RAB27A: variants seen among roughly 807,000 people sequenced by gnomAD.
The protein encoded by RAB27A is ras-related protein Rab-27A.
RAB27A carries 17 observed loss-of-function variants against 20.8 expected under a neutral mutation model. That is an observed-to-expected ratio of 0.82 (90% CI 0.56 to 1.23). The LOEUF is 1.23. RAB27A is among the 50% of genes most tolerant of loss of function. The pLI, the probability that RAB27A is intolerant of heterozygous loss-of-function variation, is 0.00. For missense variants in RAB27A, 277 were observed against 266.7 expected (o/e 1.04, Z -0.27); for synonymous variants, 85 against 92.8 (o/e 0.92, Z 0.48).
intron 2 of RAB27A, chr15:55,238,111 T>C (rs1366688858): frequency 6.6e-6 from 1 of 152,186 alleles, no homozygotes; most frequent in Non-Finnish European, 1.5e-5. Flanking sequence ...TCAATATTAA[T>C]CATAGTTTGC....
At chr15:55,251,164 A>G (rs1896874878) in intron 2 of RAB27A, among the ~76,000 whole-genome samples, 1 of 152,222 alleles carries the variant, frequency 6.6e-6, no homozygotes, top group Non-Finnish European at 1.5e-5. Flanking sequence ...TCTTTTATTC[A>G]GCGTCTCCTA....
At chr15:55,232,626 C>T (rs1230650549) in intron 3 of RAB27A, among the ~76,000 whole-genome samples, 1 of 152,094 alleles carries the variant, frequency 6.6e-6, no homozygotes, top group African/African-American at 2.4e-5. Flanking sequence ...TAAGACAAAA[C>T]TGAGAAAAGT....
intron 2 of RAB27A, among the ~76,000 whole-genome samples, chr15:55,311,906 C>T (rs2141146784): frequency 6.6e-6 from 1 of 152,272 alleles, no homozygotes; most frequent in East Asian, 1.9e-4. Flanking sequence ...TCCCAGAGCT[C>T]CCGATAGTGG....
intron 2 of RAB27A, among the ~76,000 whole-genome samples, chr15:55,240,482 A>T (rs1255448728): frequency 6.6e-6 from 1 of 152,080 alleles, no homozygotes; most frequent in Non-Finnish European, 1.5e-5. Flanking sequence ...TAGCATATAC[A>T]CTGTCTCCCT....
At chr15:55,263,239 T>A (rs148514404) in intron 2 of RAB27A, among the ~76,000 whole-genome samples, 7 of 152,264 alleles carry the variant, frequency 4.6e-5, no homozygotes, top group East Asian at 1.9e-4. Context: ...AGGGAGGTAG[T>A]TCTCAGGGTA....
intron 3 of RAB27A, among the ~76,000 whole-genome samples, chr15:55,230,727 G>C (rs897298111): frequency 6.6e-6 from 1 of 152,000 alleles, no homozygotes; most frequent in Non-Finnish European, 1.5e-5. Context: ...AAAACAACTT[G>C]TATAAAATAT....
chr15:55,205,461 T>A lies in RAB27A; in HGVS notation c.*46A>T, dbSNP rs1163835028. ...TGCCATGTATCAATCATAGAGAAGATCCCAGGCATGGGCCACCTGAACTAC... is the reference window on the plus strand; with the variant it reads ...TGCCATGTATCAATCATAGAGAAGAACCCAGGCATGGGCCACCTGAACTAC... On this transcript the variant is annotated 3_prime_UTR_variant, in exon 7 of 7. Transcript: ENST00000336787. 2.5e-6 allele frequency: 4 copies of A among 1,570,296 alleles called. No individual in the cohort carries two copies. The highest frequency in any genetic ancestry group is 1.1e-5 in the South Asian group (1 of 90,170).
chr15:55,245,141 C>G (rs998632923), intron 2 of RAB27A, among the ~76,000 whole-genome samples: 5 of 152,166 alleles, frequency 3.3e-5, no homozygotes, highest in African/African-American at 1.2e-4. Flanking sequence ...CAGACCATTA[C>G]AATTCCTACA....
At chr15:55,288,667 AAACATAAAAC>A (rs759440077) in intron 1 of RAB27A, among the ~76,000 whole-genome samples, 1 of 152,180 alleles carries the variant, frequency 6.6e-6, no homozygotes, top group South Asian at 2.1e-4. Flanking sequence ...GTAGGAATGA[AAACATAAAAC>A]AACATAAACC....
At chr15:55,241,653 T>A (rs1283572458) in intron 2 of RAB27A, among the ~76,000 whole-genome samples, 14 of 140,890 alleles carry the variant, frequency 9.9e-5, no homozygotes, top group Admixed American at 1.4e-4. Flanking sequence ...TTTTTTTTTT[T>A]ATAAATTAGG....
In RAB27A at chr15:55,237,060, T is replaced by C. The variant is rs372517327; in HGVS notation, c.-22-2104A>G. ...AAACAACTAGCTATCTCATTAACAC[T>C]GACGACTCTACATGACTATTCAAAC... On this transcript the variant is annotated intron_variant, in intron 2 of 6. Coordinates refer to ENST00000336787, the MANE Select transcript of RAB27A (RefSeq NM_183235.3). Among the ~76,000 whole-genome samples, 10 of 152,304 alleles carry C rather than the reference T, an allele frequency of 6.6e-5. No homozygotes were observed. The East Asian group carries it at 7.7e-4, about 12-fold the overall frequency.
intron 2 of RAB27A, among the ~76,000 whole-genome samples, chr15:55,308,275 T>C (rs1203083290): frequency 6.6e-6 from 1 of 152,208 alleles, no homozygotes; most frequent in Non-Finnish European, 1.5e-5. Flanking sequence ...CCTAATGGCT[T>C]CCTGATGTTT....
At chr15:55,315,787 C>T (rs1040840993) in intron 1 of RAB27A, among the ~76,000 whole-genome samples, 44 of 152,272 alleles carry the variant, frequency 2.9e-4, no homozygotes, top group African/African-American at 8.7e-4. Flanking sequence ...GAAATACGAA[C>T]GCTTTTACAC....
chr15:55,245,124 A>G (rs1389362946), intron 2 of RAB27A, among the ~76,000 whole-genome samples: 1 of 152,126 alleles, frequency 6.6e-6, no homozygotes, highest in Non-Finnish European at 1.5e-5. Flanking sequence ...CCTGGCCACA[A>G]CTCTCACAGA....
At chr15:55,304,832 C>CAT (rs36001856) in intron 2 of RAB27A, among the ~76,000 whole-genome samples, 9,609 of 148,196 alleles carry the variant, frequency 0.065, 353 homozygotes, top group Middle Eastern at 0.094. Flanking sequence ...TTAGTGTGAA[C>CAT]ATATATATAT....
intron 2 of RAB27A, among the ~76,000 whole-genome samples, chr15:55,306,043 C>T (rs1194121005): frequency 6.6e-6 from 1 of 152,082 alleles, no homozygotes; most frequent in East Asian, 1.9e-4. Flanking sequence ...TTCTGAAGAG[C>T]CATTCAAACA....
intron 2 of RAB27A, among the ~76,000 whole-genome samples, chr15:55,236,740 AT>A (rs1896273409): frequency 6.6e-6 from 1 of 152,216 alleles, no homozygotes; most frequent in East Asian, 1.9e-4. Flanking sequence ...ATATTTGTAT[AT>A]TTTTATGGGG....
intron 2 of RAB27A, among the ~76,000 whole-genome samples, chr15:55,305,964 A>T (rs2141144392): frequency 6.6e-6 from 1 of 152,308 alleles, no homozygotes; most frequent in South Asian, 2.1e-4. Context: ...TAGGTATGAC[A>T]TGATTGTATG....
At chr15:55,303,195 G>T (rs1456233956) in intron 2 of RAB27A, among the ~76,000 whole-genome samples, 1 of 93,450 alleles carries the variant, frequency 1.1e-5, no homozygotes, top group African/African-American at 5.6e-5. Context: ...CCTCTGCCCG[G>T]CCGCCCCTAC....
Sources: allele counts gnomAD v4.1 joint callset (sites outside exome capture counted in the v4.1 genomes callset), GRCh38; gene constraint gnomAD v4.1.1; transcripts MANE v1.5; gene names NCBI Gene and HGNC (gene_info 2026-07-23, HGNC 2026-07-21).